Variants in CPZ observed in about 807,000 individuals in gnomAD.
The protein encoded by CPZ is carboxypeptidase Z.
In CPZ, 103 loss-of-function variants were observed where a neutral mutation model predicts 61.8. That is an observed-to-expected ratio of 1.67 (90% CI 1.42 to 1.96). CPZ has a LOEUF of 1.96. Among genes scored for constraint, CPZ ranks in the 30% most tolerant of loss-of-function variants. The pLI is 0.00. For missense variants in CPZ, 1,461 were observed against 914.9 expected (o/e 1.60, Z -7.70); for synonymous variants, 551 against 373.7 (o/e 1.47, Z -5.47).
chr4:8,614,512 G>A lies in CPZ; in HGVS notation c.1503+14G>A. 1.9e-6 allele frequency: 3 copies of A among 1,611,354 alleles called. No individual in the cohort carries two copies. Among genetic ancestry groups the A allele is most frequent in the Non-Finnish European group, 1.7e-6 (2 of 1,178,534 alleles). On this transcript the variant is annotated intron_variant, in intron 9 of 10. Transcript: ENST00000360986. ...TTCGTGGAGACGGTGAGTTCTGACG[G>A]TCTCAGGGCTCTGGTCCAGCTGTGG...
At position 8,614,498 on chromosome 4, in the gene CPZ, G is replaced by GGTGA. The variant is rs751387070; in HGVS notation, c.1503+3_1503+6dup. 22 of 1,612,904 alleles carry GGTGA rather than the reference G, an allele frequency of 1.4e-5. No homozygotes were observed. The highest frequency in any genetic ancestry group is 1.8e-5 in the Non-Finnish European group (21 of 1,179,446). On this transcript the variant is annotated frameshift_variant and splice_region_variant. Coordinates refer to ENST00000360986, the MANE Select transcript of CPZ (RefSeq NM_001014447.3). LOFTEE classifies it high-confidence loss of function. ...AGTCACTCCTGAATTTCGTGGAGAC[G>GGTGA]GTGAGTTCTGACGGTCTCAGGGCTC...
intron 7 of CPZ, among the ~76,000 whole-genome samples, chr4:8,609,217 C>CACTCACTCCCTCACTCACTTACTCATTG (rs1553877680): frequency 7.2e-6 from 1 of 138,162 alleles, no homozygotes; most frequent in African/African-American, 2.6e-5. Context: ...CTTACTCATT[C>CACTCACTCCCTCACTCACTTACTCATTG]ACTTACTCAC....
At position 8,612,816 on chromosome 4, in the gene CPZ, GAGA is replaced by G. The variant is rs1393507601; in HGVS notation, c.1363+657_1363+659del. On this transcript the variant is annotated intron_variant, in intron 8 of 10. Coordinates refer to ENST00000360986, the MANE Select transcript of CPZ (RefSeq NM_001014447.3). ...AGATGAGAGCGCTGGGCTCAGCTGAGAGAAGGACTTGCTGGAGGCCCAGGGCCA... is the reference window on the plus strand; with the variant it reads ...AGATGAGAGCGCTGGGCTCAGCTGAGAGGACTTGCTGGAGGCCCAGGGCCA... Among the ~76,000 whole-genome samples the G allele has an allele frequency of 1.2e-4, 18 of 152,358 alleles. No homozygotes were observed. In the South Asian group the frequency reaches 1.2e-3, roughly 11 times the overall value.
chr4:8,598,069 C>A, intron 1 of CPZ, among the ~76,000 whole-genome samples: 1 of 152,222 alleles, frequency 6.6e-6, no homozygotes, highest in Middle Eastern at 3.2e-3. Flanking sequence ...CAGGGCCGCC[C>A]GCACACGCCT....
chr4:8,604,165 G>T lies in CPZ; in HGVS notation c.686G>T (p.Ser229Ile), dbSNP rs1375180937. 6.4e-7 allele frequency: 1 copy of T among 1,567,966 alleles called. No homozygotes were observed. The highest frequency in any genetic ancestry group is 8.7e-7 in the Non-Finnish European group (1 of 1,155,324). ...GAGCTGCTGGTCATCGAGTTCTCCA[G>T]CCGCCCCGGCCAGCACGAGCTGAGT... ...GRELLVIEFSSRPGQHELMEP... is the reference protein window; with the variant it reads ...GRELLVIEFSIRPGQHELMEP... Residue 229 changes from serine to isoleucine, a missense_variant, in exon 4 of 11, where the codon AGC becomes ATC. Physicochemically the swap from Ser to Ile is moderately radical, Grantham distance 142. Transcript: ENST00000360986.
intron 7 of CPZ, chr4:8,611,146 C>G (rs1368626102): frequency 1.6e-5 from 7 of 437,954 alleles, no homozygotes; most frequent in Non-Finnish European, 2.8e-5. Flanking sequence ...GTGTCCTCCA[C>G]TCCTCCTTTC....
Position 8,599,892 on chromosome 4 carries a change from A to G in CPZ, c.121+407A>G, listed in dbSNP as rs531837584. The G allele has an allele frequency of 2.2e-5, 5 of 228,094 alleles. No homozygotes were observed. The East Asian group carries it at 6.6e-4, about 30-fold the overall frequency. The allele number at this position is 228,094 out of a possible 1,614,324, so 14.1% of individuals were successfully genotyped here. A position where few individuals can be genotyped will look rare whatever the true frequency, so the allele number is the denominator to read the frequency against. On this transcript the variant is annotated intron_variant, in intron 2 of 10. Coordinates refer to ENST00000360986, the MANE Select transcript of CPZ (RefSeq NM_001014447.3). Reference sequence around the variant, plus strand: ...CAGGCCCCGATTTCCTCCTTGTGACAGGAGGAGTGCTGAACGAATCTTGTG... The same window carrying G: ...CAGGCCCCGATTTCCTCCTTGTGACGGGAGGAGTGCTGAACGAATCTTGTG...
rs1043935107 is a variant in CPZ at position 8,607,351 on chromosome 4, G to A, written c.1153G>A (p.Val385Met). The A allele has an allele frequency of 6.2e-7, 1 of 1,614,004 alleles. No individual in the cohort carries two copies. Among genetic ancestry groups the A allele is most frequent in the African/African-American group, 1.3e-5 (1 of 74,932 alleles). ...AGCCAGCCTTCATGGGGGCGACCTGGTGGTGTCCTACCCCTTCGACTTCTC... is the reference window on the plus strand; with the variant it reads ...AGCCAGCCTTCATGGGGGCGACCTGATGGTGTCCTACCCCTTCGACTTCTC... ...LSASLHGGDL[V>M]VSYPFDFSKH... The change falls in exon 7 of 11, where the codon GTG (valine) becomes ATG (methionine). Residue 385 changes from valine to methionine, a missense_variant. Transcript: ENST00000360986.
intron 9 of CPZ, among the ~76,000 whole-genome samples, chr4:8,616,822 T>C (rs771874337): frequency 2.0e-5 from 3 of 151,960 alleles, no homozygotes; most frequent in Non-Finnish European, 4.4e-5. Flanking sequence ...GTTTCAGGAG[T>C]GCGGTTCCAT....
chr4:8,614,248 G>T, intron 8 of CPZ, 111 bp from the exon 9 acceptor site: 1 of 1,432,256 alleles, frequency 7.0e-7, no homozygotes. Context: ...CTGTCTCTGC[G>T]CGGCTGACAC....
At chr4:8,601,748 A>T (rs1016105940) in intron 3 of CPZ, among the ~76,000 whole-genome samples, 1 of 152,122 alleles carries the variant, frequency 6.6e-6, no homozygotes. Context: ...AGCCCCTTAG[A>T]GGCAGGCTGG....
chr4:8,607,318 G>T lies in CPZ; in HGVS notation c.1120G>T (p.Val374Leu). Reference protein sequence around the residue: ...IMKWMQTIPFVLSASLHGGDL... With the variant: ...IMKWMQTIPFLLSASLHGGDL... ...GAAGTGGATGCAGACCATACCCTTT[G>T]TGCTCTCAGCCAGCCTTCATGGGGG... The change falls in exon 7 of 11, where the codon GTG (valine) becomes TTG (leucine). Residue 374 changes from valine (V) to leucine (L), a missense_variant. By Grantham distance (32) the Val-to-Leu change is conservative. Transcript: ENST00000360986. 1 of 1,614,100 alleles carries T rather than the reference G, an allele frequency of 6.2e-7. No individual in the cohort carries two copies. The highest frequency in any genetic ancestry group is 8.5e-7 in the Non-Finnish European group (1 of 1,179,980).
chr4:8,600,308 A>G (rs537571737), intron 2 of CPZ, among the ~76,000 whole-genome samples: 1 of 152,294 alleles, frequency 6.6e-6, no homozygotes, highest in East Asian at 1.9e-4. Context: ...AATGTGAGGC[A>G]GAAAGAATCC....
intron 7 of CPZ, among the ~76,000 whole-genome samples, chr4:8,608,262 G>C (rs112728671): frequency 6.6e-6 from 1 of 151,472 alleles, no homozygotes; most frequent in Non-Finnish European, 1.5e-5. Context: ...GCCCAGAGTC[G>C]CTCCCCAGGC....
chr4:8,612,126 A>G lies in CPZ; in HGVS notation c.1327A>G (p.Ile443Val), dbSNP rs764636021. The change falls in exon 8 of 11, where the codon ATC (isoleucine) becomes GTC (valine). Residue 443 changes from isoleucine (I) to valine (V), a missense_variant. By Grantham distance (29) the Ile-to-Val change is conservative. Transcript: ENST00000360986. Reference sequence around the variant, plus strand: ...AGGCAATTTCCTGAAGAGGGGGAGCATCATCAACGGGGCGGACTGGTACAG... The same window carrying G: ...AGGCAATTTCCTGAAGAGGGGGAGCGTCATCAACGGGGCGGACTGGTACAG... ...CGGNFLKRGSIINGADWYSFT... is the reference protein window; with the variant it reads ...CGGNFLKRGSVINGADWYSFT... 6.2e-7 allele frequency: 1 copy of G among 1,600,636 alleles called. No homozygotes were observed. The highest frequency in any genetic ancestry group is 1.7e-5 in the Admixed American group (1 of 59,200).
intron 7 of CPZ, among the ~76,000 whole-genome samples, chr4:8,608,539 G>A (rs1715247729): frequency 6.6e-6 from 1 of 152,146 alleles, no homozygotes; most frequent in Non-Finnish European, 1.5e-5. Flanking sequence ...GAATGCAAAC[G>A]GGACTGGTCC....
chr4:8,599,574 A>G, intron 2 of CPZ, 89 bp downstream of exon 2: 1 of 1,575,458 alleles, frequency 6.3e-7, no homozygotes, highest in East Asian at 2.3e-5. Context: ...TGAATCCGTG[A>G]TTTCAGAAGT....
chr4:8,607,451 G>C, intron 7 of CPZ, 26 bp downstream of exon 7: 3 of 1,611,024 alleles, frequency 1.9e-6, no homozygotes, highest in Non-Finnish European at 1.7e-6. Flanking sequence ...GGTGTGTGCA[G>C]GGGAGGGAGA....
chr4:8,610,872 G>A (rs1167335270), intron 7 of CPZ, among the ~76,000 whole-genome samples: 3 of 152,160 alleles, frequency 2.0e-5, no homozygotes, highest in Admixed American at 2.0e-4. Flanking sequence ...CTTCTGAGAA[G>A]CTGGACCCAT....
Sources: allele counts gnomAD v4.1 joint callset (sites outside exome capture counted in the v4.1 genomes callset), GRCh38; gene constraint gnomAD v4.1.1; transcripts MANE v1.5; gene names NCBI Gene and HGNC (gene_info 2026-07-23, HGNC 2026-07-21).